The following SND1 variants were observed in gnomAD, a reference collection of about 807,000 sequenced individuals.
The protein encoded by SND1 is staphylococcal nuclease and tudor domain containing 1.
Under a neutral mutation model 121.7 loss-of-function variants are expected in SND1, and 38 were observed. That is an observed-to-expected ratio of 0.31 (90% CI 0.24 to 0.41). SND1 has a LOEUF of 0.41. SND1 is among the 10% of genes least tolerant of loss of function. SND1 has a pLI of 1.00. For missense variants in SND1, 868 were observed against 1,184.6 expected (o/e 0.73, Z 3.92); for synonymous variants, 401 against 447.4 (o/e 0.90, Z 1.31).
intron 1 of SND1, chr7:127,685,856 C>T (rs1476900976): frequency 1.3e-5 from 2 of 152,566 alleles, no homozygotes; most frequent in Non-Finnish European, 2.9e-5. Context: ...CATTTCCTCC[C>T]AGGGGTGTGT....
chr7:127,969,998 A>G (rs894392733), intron 15 of SND1, among the ~76,000 whole-genome samples: 13 of 152,208 alleles, frequency 8.5e-5, no homozygotes, highest in Admixed American at 6.5e-4. Flanking sequence ...CCAGTGCCCT[A>G]CGCAGCAGAA....
At chr7:127,925,785 G>A (rs1205328166) in intron 14 of SND1, among the ~76,000 whole-genome samples, 1 of 151,814 alleles carries the variant, frequency 6.6e-6, no homozygotes, top group Non-Finnish European at 1.5e-5. Context: ...TGTATTTTTA[G>A]GGTTTCACCA....
chr7:127,675,499 C>T (rs1204529630), intron 1 of SND1, among the ~76,000 whole-genome samples: 1 of 152,072 alleles, frequency 6.6e-6, no homozygotes, highest in Non-Finnish European at 1.5e-5. Flanking sequence ...GTTTGGTGCT[C>T]TAGTCTGTCT....
At chr7:127,826,963 C>A (rs1198592404) in intron 11 of SND1, among the ~76,000 whole-genome samples, 2 of 152,138 alleles carry the variant, frequency 1.3e-5, no homozygotes, top group Non-Finnish European at 2.9e-5. Context: ...CTTGGAAGGC[C>A]CTTGGGCTGG....
At chr7:127,756,530 T>C (rs945487723) in intron 10 of SND1, among the ~76,000 whole-genome samples, 1 of 152,270 alleles carries the variant, frequency 6.6e-6, no homozygotes, top group African/African-American at 2.4e-5. Context: ...TGTTGTAGAA[T>C]GTAGCGCCTT....
chr7:127,873,781 G>A (rs751863195), intron 12 of SND1, among the ~76,000 whole-genome samples: 1 of 152,094 alleles, frequency 6.6e-6, no homozygotes, highest in African/African-American at 2.4e-5. Flanking sequence ...AAGTAGTTGG[G>A]ACTATAGGCA....
intron 16 of SND1, among the ~76,000 whole-genome samples, chr7:128,034,611 A>G (rs1792714202): frequency 6.6e-6 from 1 of 152,216 alleles, no homozygotes; most frequent in South Asian, 2.1e-4. Flanking sequence ...AAGGTAGATG[A>G]AAGTGGGGGC....
chr7:127,836,941 T>A (rs1219800701), intron 11 of SND1, among the ~76,000 whole-genome samples: 1 of 152,228 alleles, frequency 6.6e-6, no homozygotes. Flanking sequence ...AAGGGATTTT[T>A]CCCTCAGTGT....
At position 127,887,964 on chromosome 7, in the gene SND1, A is replaced by G; in HGVS notation, c.1406A>G (p.Asp469Gly). 3 of 1,612,322 alleles carry G rather than the reference A, an allele frequency of 1.9e-6. No individual in the cohort carries two copies. The highest frequency in any genetic ancestry group is 2.5e-6 in the Non-Finnish European group (3 of 1,178,940). Residue 469 changes from aspartate to glycine, a missense_variant, in exon 13 of 24, where the codon GAT becomes GGT. Transcript: ENST00000354725. ...ACAGTGATCAGATACCGGCAGGATG[A>G]TGACCAGAGATCATCACACTACGAT... ...LATVIRYRQD[D>G]DQRSSHYDEL...
intron 16 of SND1, chr7:128,030,206 G>A (rs1213845165): frequency 1.2e-6 from 2 of 1,614,232 alleles, no homozygotes; most frequent in Non-Finnish European, 1.7e-6. Context: ...GCTTGGACAG[G>A]TATTCAAAGG....
At chr7:127,857,926 C>T (rs571482633) in intron 12 of SND1, 4 of 1,367,086 alleles carry the variant, frequency 2.9e-6, no homozygotes, top group East Asian at 2.3e-5. Context: ...GCAGTAAACA[C>T]CATCAGGAAA....
At chr7:128,018,218 A>G (rs1803269657) in intron 16 of SND1, among the ~76,000 whole-genome samples, 1 of 152,200 alleles carries the variant, frequency 6.6e-6, no homozygotes, top group South Asian at 2.1e-4. Flanking sequence ...AGTGCCACCC[A>G]GTCATCTTTT....
At chr7:128,024,563 C>T (rs1255595006) in intron 16 of SND1, among the ~76,000 whole-genome samples, 1 of 152,182 alleles carries the variant, frequency 6.6e-6, no homozygotes, top group Non-Finnish European at 1.5e-5. Flanking sequence ...TGGACTCTGA[C>T]CCTCTTCTCA....
At chr7:127,997,698 C>T in intron 16 of SND1, 1 of 530,038 alleles carries the variant, frequency 1.9e-6, no homozygotes, top group Non-Finnish European at 3.9e-6. Flanking sequence ...AACTTTATGT[C>T]TCACCACCCC....
intron 12 of SND1, among the ~76,000 whole-genome samples, chr7:127,855,086 G>T (rs1015605459): frequency 6.6e-6 from 1 of 151,314 alleles, no homozygotes; most frequent in Non-Finnish European, 1.5e-5. Context: ...AGGTTGAGAT[G>T]AAGTCTAAGG....
intron 16 of SND1, among the ~76,000 whole-genome samples, chr7:128,049,718 A>C (rs917965096): frequency 2.6e-5 from 4 of 152,172 alleles, no homozygotes; most frequent in African/African-American, 9.7e-5. Flanking sequence ...TTAATCCTTT[A>C]ACCTTCAGGG....
At chr7:127,688,749 A>C (rs947886361) in intron 2 of SND1, among the ~76,000 whole-genome samples, 1 of 151,752 alleles carries the variant, frequency 6.6e-6, no homozygotes, top group Non-Finnish European at 1.5e-5. Context: ...AAAAAAAGCA[A>C]AATTTCTGGA....
At chr7:127,925,853 C>T (rs957985920) in intron 14 of SND1, among the ~76,000 whole-genome samples, 3 of 151,818 alleles carry the variant, frequency 2.0e-5, no homozygotes, top group Non-Finnish European at 4.4e-5. Context: ...CCTCCGCGTC[C>T]CAAAGTGCTG....
At chr7:127,858,182 C>T (rs534105399) in intron 12 of SND1, 1 of 798,048 alleles carries the variant, frequency 1.3e-6, no homozygotes, top group South Asian at 1.4e-5. Flanking sequence ...GCACCCCAAA[C>T]CCTTCAGCCG....
Sources: gnomAD v4.1 joint callset for allele counts (sites outside exome capture counted in the v4.1 genomes callset) on GRCh38, gnomAD v4.1.1 for gene constraint, MANE v1.5 for transcripts, NCBI Gene and HGNC (gene_info 2026-07-23, HGNC 2026-07-21) for gene names.